Variants in TRAF2 observed in about 807,000 individuals in gnomAD.
The protein encoded by TRAF2 is TNF receptor-associated factor 2.
A neutral mutation model predicts 55.6 loss-of-function variants in TRAF2; 6 were observed. That is an observed-to-expected ratio of 0.11 (90% CI 0.06 to 0.21). The LOEUF (loss-of-function observed/expected upper bound fraction) is 0.21, where lower values mean the gene tolerates loss of function less well. Among genes scored for constraint, TRAF2 ranks in the 10% least tolerant of loss-of-function variants. The pLI is 1.00. For synonymous variants in TRAF2, 329 were observed against 276.3 expected (o/e 1.19, Z -1.89); for missense variants, 561 against 684.5 (o/e 0.82, Z 2.01).
At chr9:136,925,202 T>G (rs1038056236) in intron 10 of TRAF2, among the ~76,000 whole-genome samples, 2 of 151,586 alleles carry the variant, frequency 1.3e-5, no homozygotes, top group African/African-American at 2.4e-5. Context: ...GGGGAGGGGG[T>G]GTGGAGGGCC....
chr9:136,918,253 A>ATT (rs1564419474), intron 7 of TRAF2, among the ~76,000 whole-genome samples: 23 of 42,318 alleles, frequency 5.4e-4, no homozygotes, highest in African/African-American at 3.2e-3. Flanking sequence ...ATATATATAT[A>ATT]TATATTTATT....
chr9:136,906,796 G>A (rs1023205911), intron 4 of TRAF2, among the ~76,000 whole-genome samples: 5 of 152,224 alleles, frequency 3.3e-5, no homozygotes, highest in Admixed American at 2.6e-4. Flanking sequence ...CGTTCAGTCT[G>A]CCGGCAGGTC....
Position 136,892,847 on chromosome 9 carries a change from G to T in TRAF2, c.-28-5866G>T, listed in dbSNP as rs113864783. Among the ~76,000 whole-genome samples the T allele has an allele frequency of 1.7e-4, 26 of 152,292 alleles. 1 individual carries two copies. The highest frequency in any genetic ancestry group is 3.6e-4 in the African/African-American group (15 of 41,542). ...CCTTAGATCACACCGTTGCACTCCC[G>T]CCTGAGCGACAGAGCAAGACTCTGT... On this transcript the variant is annotated intron_variant, in intron 1 of 10. Transcript: ENST00000247668.
At chr9:136,913,353 A>G (rs1485910027) in intron 6 of TRAF2, among the ~76,000 whole-genome samples, 3 of 121,114 alleles carry the variant, frequency 2.5e-5, no homozygotes, top group Admixed American at 2.1e-4. Flanking sequence ...GCTGGAGTGC[A>G]GTGGCGCAAT....
chr9:136,908,308 C>T lies in TRAF2; in HGVS notation c.528+77C>T, dbSNP rs892239774. ...CTGGGGAGCTGCGTGCTGGCCACTG[C>T]GGCTGCGTCGGCCCCTTTGCACTCG... On this transcript the variant is annotated intron_variant, in intron 5 of 10. Transcript: ENST00000247668. 2.1e-4 allele frequency: 293 copies of T among 1,420,586 alleles called. 1 individual carries two copies. Among genetic ancestry groups the T allele is most frequent in the South Asian group, 1.4e-4 (10 of 69,856 alleles). The allele number at this position is 1,420,586 out of a possible 1,614,324, so 88.0% of individuals were successfully genotyped here.
At chr9:136,896,572 G>A (rs995112601) in intron 1 of TRAF2, among the ~76,000 whole-genome samples, 18 of 152,208 alleles carry the variant, frequency 1.2e-4, no homozygotes, top group Non-Finnish European at 1.5e-4. Context: ...TCAGCTAGAA[G>A]CTTTGAAGTC....
intron 6 of TRAF2, 36 bp from the exon 7 acceptor site, chr9:136,916,505 A>G (rs774934980): frequency 4.4e-6 from 7 of 1,607,926 alleles, no homozygotes; most frequent in Non-Finnish European, 5.1e-6. Context: ...GCATCAGAAC[A>G]GAGAAAGATG....
chr9:136,909,156 C>T (rs530245425), intron 5 of TRAF2, among the ~76,000 whole-genome samples: 2 of 151,458 alleles, frequency 1.3e-5, no homozygotes, highest in South Asian at 4.2e-4. Flanking sequence ...GGTGTGCGTC[C>T]GTCCTCGCCA....
At chr9:136,913,268 C>T (rs1027168817) in intron 6 of TRAF2, among the ~76,000 whole-genome samples, 2 of 149,950 alleles carry the variant, frequency 1.3e-5, no homozygotes, top group South Asian at 4.2e-4. Flanking sequence ...ATGTGGGGTC[C>T]ACATACCATG....
intron 4 of TRAF2, among the ~76,000 whole-genome samples, chr9:136,903,286 A>G (rs1849863915): frequency 6.6e-6 from 1 of 152,168 alleles, no homozygotes; most frequent in Non-Finnish European, 1.5e-5. Context: ...GTAAATGTTG[A>G]TGGAGTGCTT....
intron 3 of TRAF2, among the ~76,000 whole-genome samples, 186 bp downstream of exon 3, chr9:136,899,858 C>G (rs61587681): frequency 1.3e-5 from 2 of 152,060 alleles, no homozygotes; most frequent in Non-Finnish European, 2.9e-5. Context: ...GACCCTGTCT[C>G]TACAAAAAGC....
chr9:136,905,362 A>G (rs1849922127), intron 4 of TRAF2, among the ~76,000 whole-genome samples: 1 of 152,182 alleles, frequency 6.6e-6, no homozygotes, highest in Non-Finnish European at 1.5e-5. Context: ...ACAAGAAGAT[A>G]AAGACTGCGT....
rs34592255 is a variant in TRAF2, at chr9:136,916,594, C to T, written c.657C>T (p.His219=). 4.5e-4 allele frequency: 728 copies of T among 1,613,980 alleles called. 2 individuals are homozygous for T. In the African/African-American group the frequency reaches 8.4e-3, roughly 19 times the overall value. Residue 219 remains histidine (H), a synonymous_variant, in exon 7 of 11, where the codon CAC becomes CAT. Transcript: ENST00000247668. ...CGKCRVPCRF[H]AIGCLETVEG... ...AGTGTCGAGTCCCTTGCAGATTCCA[C>T]GCCATCGGCTGCCTCGAGACGGTGA...
At chr9:136,884,343 A>G (rs1022087284), upstream of TRAF2, among the ~76,000 whole-genome samples, 10 of 151,762 alleles carry the variant, frequency 6.6e-5, no homozygotes, top group Non-Finnish European at 1.3e-4. Flanking sequence ...CAATTGCCTG[A>G]GCTCAGGAGT....
intron 1 of TRAF2, among the ~76,000 whole-genome samples, chr9:136,891,408 A>AT (rs1341878145): frequency 2.0e-5 from 3 of 149,160 alleles, no homozygotes; most frequent in African/African-American, 7.4e-5. Flanking sequence ...GCGCCCAGCC[A>AT]TTTTTTTGTG....
At chr9:136,912,083 G>A (rs1435860614) in intron 6 of TRAF2, among the ~76,000 whole-genome samples, 1 of 149,382 alleles carries the variant, frequency 6.7e-6, no homozygotes. Context: ...TCGATCTCCT[G>A]ACCTCGTGAT....
At position 136,921,091 on chromosome 9, in the gene TRAF2, G is replaced by A; in HGVS notation, c.1014G>A (p.Leu338=). 6.2e-7 allele frequency: 1 copy of A among 1,614,096 alleles called. No individual in the cohort carries two copies. The highest frequency in any genetic ancestry group is 8.5e-7 in the Non-Finnish European group (1 of 1,180,016). The change falls in exon 9 of 11, where the codon TTG becomes TTA. Residue 338 remains leucine (L), a synonymous_variant. Coordinates refer to ENST00000247668, the MANE Select transcript of TRAF2 (RefSeq NM_021138.4). ...TCAAGGACCTGGCGATGGCTGACTTGGAGCAGAAGGTCTTGGAGATGGAGG... is the reference window on the plus strand; with the variant it reads ...TCAAGGACCTGGCGATGGCTGACTTAGAGCAGAAGGTCTTGGAGATGGAGG... ...IGLKDLAMAD[L]EQKVLEMEAS... is the part of the protein sequence containing the mutation.
chr9:136,893,933 A>G (rs1012602641), intron 1 of TRAF2, among the ~76,000 whole-genome samples: 3 of 151,562 alleles, frequency 2.0e-5, no homozygotes, highest in Non-Finnish European at 4.4e-5. Flanking sequence ...TATTTTTACT[A>G]GAGATGGGGT....
At chr9:136,891,298 C>CG (rs529318563) in intron 1 of TRAF2, among the ~76,000 whole-genome samples, 8 of 150,974 alleles carry the variant, frequency 5.3e-5, no homozygotes, top group Admixed American at 3.3e-4. Context: ...TTAGTGGAGA[C>CG]GGGGTCTCAC....
Sources: allele counts gnomAD v4.1 joint callset (sites outside exome capture counted in the v4.1 genomes callset), GRCh38; gene constraint gnomAD v4.1.1; transcripts MANE v1.5; gene names NCBI Gene and HGNC (gene_info 2026-07-23, HGNC 2026-07-21).